CNTN4: variants seen among roughly 807,000 people sequenced by gnomAD.
CNTN4 encodes contactin-4.
CNTN4 carries 77 observed loss-of-function variants against 122.5 expected under a neutral mutation model. The observed-to-expected ratio is 0.63, with a 90% CI of 0.52 to 0.76. The LOEUF is 0.76. CNTN4 is among the 30% of genes least tolerant of loss of function. The pLI, the probability that CNTN4 is intolerant of heterozygous loss-of-function variation, is 0.00. For synonymous variants in CNTN4, 512 were observed against 447.0 expected, an observed-to-expected ratio of 1.15 and a Z score of -1.83; for missense variants, 1,256 against 1,259.1, an observed-to-expected ratio of 1.00 and a Z score of 0.04.
intron 2 of CNTN4, among the ~76,000 whole-genome samples, chr3:2,139,147 A>T (rs960826434): frequency 1.3e-5 from 2 of 152,144 alleles, no homozygotes; most frequent in Non-Finnish European, 2.9e-5. Flanking sequence ...TAAATGGCAG[A>T]GCGTAGATCC....
chr3:2,612,560 C>G (rs963601617), intron 4 of CNTN4, among the ~76,000 whole-genome samples: 8 of 152,020 alleles, frequency 5.3e-5, no homozygotes, highest in Non-Finnish European at 8.8e-5. Context: ...ATTGGTTTCA[C>G]AAGGTAAAGG....
chr3:2,355,254 T>C (rs867028660), intron 3 of CNTN4, among the ~76,000 whole-genome samples: 19 of 152,344 alleles, frequency 1.2e-4, no homozygotes, highest in Middle Eastern at 6.8e-3. Flanking sequence ...TAGAGATATT[T>C]TGCTCAAGAT....
At chr3:2,981,412 C>G (rs148651624) in intron 13 of CNTN4, among the ~76,000 whole-genome samples, 15,670 of 151,996 alleles carry the variant, frequency 0.1, 882 homozygotes, top group Non-Finnish European at 0.11. Context: ...GCACTGCACT[C>G]CAGCCTGGGC....
intron 14 of CNTN4, among the ~76,000 whole-genome samples, chr3:3,013,631 T>C (rs1697451585): frequency 1.3e-5 from 2 of 151,520 alleles, no homozygotes; most frequent in South Asian, 2.1e-4. Flanking sequence ...GGTCCTGTTA[T>C]GGTAACTAAA....
At position 2,887,022 on chromosome 3, in the gene CNTN4, T is replaced by G. The variant is rs775466170; in HGVS notation, c.756-18T>G. 8 of 1,611,164 alleles carry G rather than the reference T, an allele frequency of 5.0e-6. No individual in the cohort carries two copies. Among genetic ancestry groups the G allele is most frequent in the Non-Finnish European group, 5.9e-6 (7 of 1,178,104 alleles). ...GTTTTCTCTAGTTTGATTCACTCCT[T>G]TTTATTCTTGCTATCAGTCCAGTAC... On this transcript the variant is annotated intron_variant, in intron 9 of 24. Transcript: ENST00000418658.
intron 23 of CNTN4, 36 bp from the exon 24 acceptor site, chr3:3,053,771 G>A (rs1284098690): frequency 6.2e-7 from 1 of 1,609,740 alleles, no homozygotes; most frequent in Non-Finnish European, 8.5e-7. Flanking sequence ...CCTTTGTGAA[G>A]ACGGCAGGTG....
intron 7 of CNTN4, among the ~76,000 whole-genome samples, chr3:2,838,826 A>G (rs2093288578): frequency 6.6e-6 from 1 of 152,098 alleles, no homozygotes; most frequent in South Asian, 2.1e-4. Flanking sequence ...TCCATTAATA[A>G]TGGACTGTCC....
At chr3:2,748,884 G>A (rs1290984198) in intron 6 of CNTN4, among the ~76,000 whole-genome samples, 2 of 152,054 alleles carry the variant, frequency 1.3e-5, no homozygotes, top group Admixed American at 1.3e-4. Context: ...TCATTACCAT[G>A]GTCTCATTTT....
chr3:2,105,485 C>T (rs1021436920), intron 2 of CNTN4, among the ~76,000 whole-genome samples: 3 of 152,084 alleles, frequency 2.0e-5, no homozygotes, highest in East Asian at 3.9e-4. Flanking sequence ...GCAGAAGGCA[C>T]GAGAGAAGCA....
In CNTN4 at chr3:2,101,559, T is replaced by G. The variant is rs188515896; in HGVS notation, c.-145+920T>G. Among the ~76,000 whole-genome samples, 134 of 152,268 alleles carry G rather than the reference T, an allele frequency of 8.8e-4. 1 individual carries two copies. In the Middle Eastern group the frequency reaches 0.02, roughly 23 times the overall value. ...GAAGTCTCTACACACTGATTTTTTTTGTTCCTTTTTGTTCATTTTTCCCTG... is the reference window on the plus strand; with the variant it reads ...GAAGTCTCTACACACTGATTTTTTTGGTTCCTTTTTGTTCATTTTTCCCTG... On this transcript the variant is annotated intron_variant, in intron 2 of 24. Coordinates refer to ENST00000418658, the MANE Select transcript of CNTN4 (RefSeq NM_175607.3).
At chr3:2,975,044 A>G (rs1290065619) in intron 13 of CNTN4, among the ~76,000 whole-genome samples, 1 of 152,112 alleles carries the variant, frequency 6.6e-6, no homozygotes, top group South Asian at 2.1e-4. Context: ...TTTAGTTACC[A>G]AGTGGTAAAG....
rs934823302 is a variant in CNTN4 at position 2,368,976 on chromosome 3, G to A, written c.-89+29743G>A. On this transcript the variant is annotated intron_variant, in intron 3 of 24. Coordinates refer to ENST00000418658, the MANE Select transcript of CNTN4 (RefSeq NM_175607.3). ...GTCTCACTCTGTTGCCCAGGTTGGA[G>A]TGCAGTGGCAAGATCTCGGCTCCCT... Among the ~76,000 whole-genome samples the A allele has an allele frequency of 2.6e-5, 4 of 152,130 alleles. No homozygotes were observed. In the South Asian group the frequency reaches 8.3e-4, roughly 32 times the overall value.
chr3:2,460,880 T>C (rs752110500), intron 3 of CNTN4, among the ~76,000 whole-genome samples: 14 of 122,998 alleles, frequency 1.1e-4, no homozygotes, highest in Non-Finnish European at 1.9e-4. Context: ...ATAGTAGCAG[T>C]AGCTGAAAGA....
In CNTN4 at chr3:2,942,222, A is replaced by G. The variant is rs532429750; in HGVS notation, c.1358+16443A>G. 2.6e-5 allele frequency among the ~76,000 whole-genome samples: 4 copies of G among 152,330 alleles called. No individual in the cohort carries two copies. The East Asian group carries it at 7.7e-4, about 29-fold the overall frequency. On this transcript the variant is annotated intron_variant, in intron 13 of 24. Transcript: ENST00000418658. ...TTCACGAGGACTAGAGACTTCTCCA[A>G]AAATAAAAGCAATAGTAAAGATAAA...
intron 13 of CNTN4, among the ~76,000 whole-genome samples, chr3:2,987,442 A>G (rs936494483): frequency 8.5e-5 from 13 of 152,216 alleles, no homozygotes; most frequent in African/African-American, 3.1e-4. Flanking sequence ...AGGCAGGCCA[A>G]TTAGGAGGCT....
At chr3:2,442,687 A>C (rs1257851157) in intron 3 of CNTN4, among the ~76,000 whole-genome samples, 1 of 152,046 alleles carries the variant, frequency 6.6e-6, no homozygotes, top group Non-Finnish European at 1.5e-5. Flanking sequence ...GATTAGTTTT[A>C]TTCTATTATG....
At chr3:2,831,416 G>A (rs552575722) in intron 7 of CNTN4, among the ~76,000 whole-genome samples, 14 of 152,296 alleles carry the variant, frequency 9.2e-5, no homozygotes, top group African/African-American at 3.4e-4. Context: ...TAGTTTTACA[G>A]AGAGACCAAC....
At chr3:2,850,830 G>A (rs1577051717) in intron 7 of CNTN4, among the ~76,000 whole-genome samples, 1 of 152,148 alleles carries the variant, frequency 6.6e-6, no homozygotes, top group Admixed American at 6.5e-5. Context: ...TCTTGCCAGA[G>A]ATGGATTTTT....
intron 2 of CNTN4, among the ~76,000 whole-genome samples, chr3:2,264,258 C>G (rs1160028172): frequency 1.3e-5 from 2 of 152,112 alleles, no homozygotes; most frequent in African/African-American, 2.4e-5. Flanking sequence ...TCCCCTTTCT[C>G]TGCATTCTTG....
Sources: allele counts gnomAD v4.1 joint callset (sites outside exome capture counted in the v4.1 genomes callset), GRCh38; gene constraint gnomAD v4.1.1; transcripts MANE v1.5; gene names NCBI Gene and HGNC (gene_info 2026-07-23, HGNC 2026-07-21).